The following GPBP1 variants were observed in gnomAD, a reference collection of about 807,000 sequenced individuals.
The protein encoded by GPBP1 is vasculin.
A neutral mutation model predicts 56.5 loss-of-function variants in GPBP1; 13 were observed. That is an observed-to-expected ratio of 0.23 (90% CI 0.15 to 0.37). The LOEUF (loss-of-function observed/expected upper bound fraction) is 0.37. GPBP1 is among the 10% of genes least tolerant of loss of function. The pLI is 1.00. For missense variants in GPBP1, 477 were observed against 572.3 expected (o/e 0.83, Z 1.70); for synonymous variants, 204 against 188.9 (o/e 1.08, Z -0.66).
chr5:57,228,835 A>G (rs1756312379), intron 3 of GPBP1, among the ~76,000 whole-genome samples: 1 of 152,150 alleles, frequency 6.6e-6, no homozygotes, highest in Non-Finnish European at 1.5e-5. Context: ...AAAGACTTAA[A>G]AGATGACAAA....
At position 57,247,125 on chromosome 5, in the gene GPBP1, C is replaced by A. The variant is rs1354871567; in HGVS notation, c.714C>A (p.Phe238Leu). The A allele has an allele frequency of 6.2e-7, 1 of 1,613,546 alleles. No homozygotes were observed. Among genetic ancestry groups the A allele is most frequent in the Non-Finnish European group, 8.5e-7 (1 of 1,179,686 alleles). Reference protein sequence around the residue: ...QTKENKVGTSFPHESTFGVGN... With the variant: ...QTKENKVGTSLPHESTFGVGN... ...AAGAAAATAAAGTTGGAACTTCTTT[C>A]CCTCATGAGTCCACATTTGGCGTTG... is the stretch of plus-strand genomic sequence containing the variant. Residue 238 changes from phenylalanine (F) to leucine (L), a missense_variant, in exon 8 of 12, where the codon TTC (phenylalanine) becomes TTA (leucine). Coordinates refer to ENST00000506184, the MANE Select transcript of GPBP1 (RefSeq NM_022913.4).
rs543005934 is a variant in GPBP1, at chr5:57,229,230, CAAAAAAAAAAAAAAAAAAAAAAAAAA to C, written c.64-1604_64-1579del. On this transcript the variant is annotated intron_variant, in intron 3 of 11. Coordinates refer to ENST00000506184, the MANE Select transcript of GPBP1 (RefSeq NM_022913.4). ...TGGGCGACAGAACAAGACTCCATCT[CAAAAAAAAAAAAAAAAAAAAAAAAAA>C]AAAAAAAAAAAGGAGTTGTCTGTCT... is the stretch of plus-strand genomic sequence containing the variant. Among the ~76,000 whole-genome samples, 8 of 77,426 alleles carry C rather than the reference CAAAAAAAAAAAAAAAAAAAAAAAAAA, an allele frequency of 1.0e-4. 1 individual carries two copies. Among genetic ancestry groups the C allele is most frequent in the Non-Finnish European group, 2.0e-4 (7 of 35,516 alleles). 50.8% of individuals were successfully genotyped at this position (77,426 alleles called of 152,430 possible).
intron 3 of GPBP1, among the ~76,000 whole-genome samples, chr5:57,217,078 G>C (rs1755728543): frequency 6.6e-6 from 1 of 152,156 alleles, no homozygotes; most frequent in African/African-American, 2.4e-5. Context: ...GATGTGCTAA[G>C]AATAAATTTT....
intron 3 of GPBP1, among the ~76,000 whole-genome samples, chr5:57,219,945 G>C (rs974629684): frequency 2.6e-5 from 4 of 151,694 alleles, no homozygotes; most frequent in African/African-American, 7.3e-5. Flanking sequence ...CTAGCTACTC[G>C]GGAGGCTGAG....
At chr5:57,213,592 A>T (rs1755583943) in intron 2 of GPBP1, among the ~76,000 whole-genome samples, 1 of 151,950 alleles carries the variant, frequency 6.6e-6, no homozygotes. Context: ...CTTCCCCCAG[A>T]TGTCCTTTAA....
At position 57,175,940 on chromosome 5, in the gene GPBP1, A is replaced by G. The variant is rs1445325109; in HGVS notation, c.-518A>G. ...GAATGAAGAGATTGAAAGAATACAG[A>G]GTTTTTTTCCTTTTATCTTTTATTT... On this transcript the variant is annotated 5_prime_UTR_variant, in exon 2 of 12. Transcript: ENST00000506184. 2.5e-6 allele frequency: 1 copy of G among 398,404 alleles called. No individual in the cohort carries two copies. Among genetic ancestry groups the G allele is most frequent in the Non-Finnish European group, 4.4e-6 (1 of 226,042 alleles). 24.7% of individuals were successfully genotyped at this position (398,404 alleles called of 1,614,324 possible).
At chr5:57,219,533 C>T (rs1230475311) in intron 3 of GPBP1, among the ~76,000 whole-genome samples, 1 of 151,304 alleles carries the variant, frequency 6.6e-6, no homozygotes, top group Non-Finnish European at 1.5e-5. Context: ...CCACTGAAAT[C>T]AATTCTTGTT....
intron 10 of GPBP1, among the ~76,000 whole-genome samples, chr5:57,254,096 C>A (rs1580082057): frequency 1.3e-5 from 2 of 152,036 alleles, no homozygotes; most frequent in Non-Finnish European, 2.9e-5. Context: ...TGGCTAACTT[C>A]TGTATTTTTT....
intron 1 of GPBP1, among the ~76,000 whole-genome samples, chr5:57,175,000 C>T (rs1753736118): frequency 6.6e-6 from 1 of 152,190 alleles, no homozygotes; most frequent in African/African-American, 2.4e-5. Context: ...GAGGGAGCCT[C>T]TTTCTCTTTA....
chr5:57,260,193 AT>A (rs1035566592), intron 10 of GPBP1, among the ~76,000 whole-genome samples: 2 of 152,124 alleles, frequency 1.3e-5, no homozygotes, highest in South Asian at 2.1e-4. Context: ...GGTATTGGCT[AT>A]TTCTGTTGTT....
chr5:57,221,294 GT>G, intron 3 of GPBP1: 1 of 954,224 alleles, frequency 1.0e-6, no homozygotes, highest in Non-Finnish European at 1.5e-6. Context: ...TGGCGCACTA[GT>G]TTTTTCTTTT....
chr5:57,214,650 T>G (rs1755628868), intron 3 of GPBP1, among the ~76,000 whole-genome samples: 1 of 152,168 alleles, frequency 6.6e-6, no homozygotes, highest in African/African-American at 2.4e-5. Flanking sequence ...TTTAATTTGT[T>G]GGCTCTATTA....
At position 57,224,636 on chromosome 5, in the gene GPBP1, G is replaced by A. The variant is rs1031337065; in HGVS notation, c.64-6210G>A. Among the ~76,000 whole-genome samples, 5 of 152,026 alleles carry A rather than the reference G, an allele frequency of 3.3e-5. No individual in the cohort carries two copies. In the South Asian group the frequency reaches 1.0e-3, roughly 32 times the overall value. Reference sequence around the variant, plus strand: ...AATTTTTTTGTAGAGATGGGGTCTTGCTATGTTGCCAAGGCTGGTCTTGAA... The same window carrying A: ...AATTTTTTTGTAGAGATGGGGTCTTACTATGTTGCCAAGGCTGGTCTTGAA... On this transcript the variant is annotated intron_variant, in intron 3 of 11. Coordinates refer to ENST00000506184, the MANE Select transcript of GPBP1 (RefSeq NM_022913.4).
At position 57,246,395 on chromosome 5, in the gene GPBP1, G is replaced by A. The variant is rs1741094716; in HGVS notation, c.574G>A (p.Gly192Arg). ...DLQLSGFPVV[G>R]NLPSQPVKNG... is the part of the protein sequence containing the mutation. Reference sequence around the variant, plus strand: ...ACAGCTATCTGGATTCCCAGTAGTAGGAAATCTTCCGTCACAGCCAGTTAA... The same window carrying A: ...ACAGCTATCTGGATTCCCAGTAGTAAGAAATCTTCCGTCACAGCCAGTTAA... Residue 192 changes from glycine to arginine, a missense_variant, in exon 7 of 12, where the codon GGA becomes AGA. This residue lies in a region of GPBP1 where 414 missense variants were observed against 458.2 expected (regional missense o/e 0.90). Transcript: ENST00000506184. 1.9e-6 allele frequency: 3 copies of A among 1,613,920 alleles called. No homozygotes were observed. The highest frequency in any genetic ancestry group is 2.5e-6 in the Non-Finnish European group (3 of 1,179,884).
At chr5:57,174,659 C>T (rs1579958177) in intron 1 of GPBP1, among the ~76,000 whole-genome samples, 1 of 152,330 alleles carries the variant, frequency 6.6e-6, no homozygotes, top group Middle Eastern at 3.4e-3. Context: ...TTCCCCGCCT[C>T]TCCCAGGTCC....
intron 2 of GPBP1, among the ~76,000 whole-genome samples, chr5:57,211,495 T>C (rs1022275547): frequency 6.6e-6 from 1 of 151,718 alleles, no homozygotes; most frequent in East Asian, 2.0e-4. Context: ...GCCCATACTT[T>C]AAGAACTAGA....
chr5:57,185,436 T>G (rs570918917), intron 2 of GPBP1, among the ~76,000 whole-genome samples: 2 of 152,102 alleles, frequency 1.3e-5, no homozygotes, highest in East Asian at 3.9e-4. Flanking sequence ...AATTTTTGAA[T>G]TTTTGTATTT....
rs548460812 is a variant in GPBP1 at position 57,175,033 on chromosome 5, G to T, written c.-1010-415G>T. On this transcript the variant is annotated intron_variant, in intron 1 of 11. Transcript: ENST00000506184. ...TTACACTTATCTCTGAGTTACATTC[G>T]CTAATACTCCGTGGCAGCACACCTG... Among the ~76,000 whole-genome samples, 77 of 152,270 alleles carry T rather than the reference G, an allele frequency of 5.1e-4. 1 individual carries two copies. Among genetic ancestry groups the T allele is most frequent in the Admixed American group, 1.0e-3 (16 of 15,296 alleles).
chr5:57,250,544 G>C (rs533029585), intron 9 of GPBP1, among the ~76,000 whole-genome samples: 1 of 142,094 alleles, frequency 7.0e-6, no homozygotes, highest in Admixed American at 7.0e-5. Flanking sequence ...GTTTATGGTT[G>C]TTGGTTTTTT....
Sources: gnomAD v4.1 joint callset for allele counts (sites outside exome capture counted in the v4.1 genomes callset) on GRCh38, gnomAD v4.1.1 for gene constraint, gnomAD v4.1.1 regional missense constraint, MANE v1.5 for transcripts, NCBI Gene and HGNC (gene_info 2026-07-23, HGNC 2026-07-21) for gene names.